GPM6A: variants seen among roughly 807,000 people sequenced by gnomAD.
The protein encoded by GPM6A is glycoprotein M6A.
In GPM6A, 7 loss-of-function variants were observed where a neutral mutation model predicts 32.1. That is an observed-to-expected ratio of 0.22 (90% CI 0.12 to 0.41). GPM6A has a LOEUF of 0.41. Ranked by LOEUF, GPM6A falls within the 10% of genes least tolerant of loss-of-function variation. The pLI is 1.00. For synonymous variants in GPM6A, 130 were observed against 123.4 expected, an observed-to-expected ratio of 1.05 and a Z score of -0.35; for missense variants, 235 against 347.2, an observed-to-expected ratio of 0.68 and a Z score of 2.57.
rs199751283 is a variant in GPM6A at position 175,729,951 on chromosome 4, G to GTATA, written c.38-28188_38-28185dup. On this transcript the variant is annotated intron_variant, in intron 1 of 6. Transcript: ENST00000393658. ...ATATAAATTTAAATAATAAATTTAT[G>GTATA]TATATATATATAAAGTCAACTTCTC... Among the ~76,000 whole-genome samples the GTATA allele has an allele frequency of 4.6e-4, 68 of 146,516 alleles. 1 individual carries two copies. The highest frequency in any genetic ancestry group is 1.6e-3 in the African/African-American group (63 of 40,126).
intron 1 of GPM6A, among the ~76,000 whole-genome samples, chr4:175,980,857 G>T (rs887263480): frequency 6.6e-6 from 1 of 152,214 alleles, no homozygotes; most frequent in South Asian, 2.1e-4. Flanking sequence ...AGCATATTTT[G>T]CCATTTAAGA....
intron 1 of GPM6A, among the ~76,000 whole-genome samples, chr4:175,792,270 T>C: frequency 6.6e-6 from 1 of 152,200 alleles, no homozygotes. Flanking sequence ...GCCATGCCAA[T>C]AAAAAGTTAA....
upstream of GPM6A, chr4:175,812,299 G>GAAACT (rs1560946608): frequency 2.5e-6 from 2 of 790,372 alleles, no homozygotes; most frequent in Admixed American, 8.9e-5. Flanking sequence ...GAAAAACTGG[G>GAAACT]GGTTTTTTTT....
intron 1 of GPM6A, among the ~76,000 whole-genome samples, chr4:175,722,996 C>A (rs1268865984): frequency 6.6e-6 from 1 of 152,084 alleles, no homozygotes; most frequent in African/African-American, 2.4e-5. Flanking sequence ...CTGCAGTGAG[C>A]CATGATTGTG....
chr4:175,894,438 T>C (rs1405645916), intron 1 of GPM6A, among the ~76,000 whole-genome samples: 3 of 152,078 alleles, frequency 2.0e-5, no homozygotes. Flanking sequence ...AAAGACTAAC[T>C]CTGTCTGATA....
rs148434939 is a variant in GPM6A, at chr4:175,983,906, T to C, written c.-23+18403A>G. Among the ~76,000 whole-genome samples, 6 of 152,214 alleles carry C rather than the reference T, an allele frequency of 3.9e-5. No homozygotes were observed. The East Asian group carries it at 1.2e-3, about 29-fold the overall frequency. ...GACTCCCCAGGGAAGCATCTGGAGTTTTCTTTGTTGCAAGCTTTACAACTA... is the reference window on the plus strand; with the variant it reads ...GACTCCCCAGGGAAGCATCTGGAGTCTTCTTTGTTGCAAGCTTTACAACTA... On this transcript the variant is annotated intron_variant, in intron 1 of 7. Transcript: ENST00000280187.
intron 1 of GPM6A, among the ~76,000 whole-genome samples, chr4:175,965,812 C>T (rs1186534468): frequency 6.6e-6 from 1 of 151,900 alleles, no homozygotes; most frequent in Non-Finnish European, 1.5e-5. Context: ...CGGGGTTTCA[C>T]CATGTTGGCC....
intron 1 of GPM6A, among the ~76,000 whole-genome samples, chr4:175,898,145 A>G (rs915389207): frequency 2.6e-5 from 4 of 152,172 alleles, no homozygotes; most frequent in African/African-American, 9.7e-5. Flanking sequence ...AACCAGTGCA[A>G]CTGATTTCTC....
chr4:175,872,092 C>T (rs931725343), intron 1 of GPM6A, among the ~76,000 whole-genome samples: 5 of 152,174 alleles, frequency 3.3e-5, no homozygotes. Context: ...ATTGGCCTTT[C>T]CTTCTCCTCC....
intron 1 of GPM6A, among the ~76,000 whole-genome samples, chr4:175,910,392 T>C (rs1738276761): frequency 6.6e-6 from 1 of 152,188 alleles, no homozygotes; most frequent in African/African-American, 2.4e-5. Context: ...GTGCAGGTGC[T>C]CCCAGCTTAT....
intron 1 of GPM6A, among the ~76,000 whole-genome samples, chr4:175,943,004 T>C (rs938710237): frequency 1.3e-5 from 2 of 152,192 alleles, no homozygotes; most frequent in Non-Finnish European, 2.9e-5. Context: ...AGATTCTTCC[T>C]ATCCATTAAC....
At chr4:175,669,802 G>A (rs1479607923) in intron 3 of GPM6A, among the ~76,000 whole-genome samples, 1 of 152,094 alleles carries the variant, frequency 6.6e-6, no homozygotes, top group Non-Finnish European at 1.5e-5. Context: ...GGTCACTAGG[G>A]TGGGCTCTAT....
At chr4:175,921,042 A>G (rs934714769) in intron 1 of GPM6A, among the ~76,000 whole-genome samples, 1 of 150,612 alleles carries the variant, frequency 6.6e-6, no homozygotes, top group African/African-American at 2.5e-5. Flanking sequence ...AATTTCCATC[A>G]TGAAGAAAAT....
At chr4:175,859,232 T>C (rs907571230) in intron 1 of GPM6A, among the ~76,000 whole-genome samples, 1 of 152,208 alleles carries the variant, frequency 6.6e-6, no homozygotes, top group African/African-American at 2.4e-5. Flanking sequence ...AGTTGTTGTA[T>C]GTCAATCATC....
chr4:175,644,694 T>G (rs1741352865), intron 4 of GPM6A, among the ~76,000 whole-genome samples: 1 of 152,122 alleles, frequency 6.6e-6, no homozygotes, highest in African/African-American at 2.4e-5. Flanking sequence ...TATTCAAATT[T>G]ATATCAATTT....
At chr4:175,650,251 G>T (rs901481337) in intron 4 of GPM6A, among the ~76,000 whole-genome samples, 3 of 151,072 alleles carry the variant, frequency 2.0e-5, no homozygotes, top group African/African-American at 7.3e-5. Flanking sequence ...CACTTATTTG[G>T]CACTCTTTGA....
chr4:175,701,889 T>G (rs1484190401), intron 1 of GPM6A, 122 bp from the exon 2 acceptor site: 3 of 649,812 alleles, frequency 4.6e-6, no homozygotes, highest in African/African-American at 1.8e-5. Context: ...ACCATACAAA[T>G]GAAGTCCTAG....
intron 1 of GPM6A, among the ~76,000 whole-genome samples, chr4:175,895,398 C>A (rs948998605): frequency 2.6e-5 from 4 of 151,250 alleles, no homozygotes; most frequent in Non-Finnish European, 5.9e-5. Flanking sequence ...CCTATCTTTT[C>A]AAAAAAAATG....
chr4:175,659,879 A>G (rs1174168792), intron 3 of GPM6A, among the ~76,000 whole-genome samples: 2 of 152,196 alleles, frequency 1.3e-5, no homozygotes, highest in Admixed American at 6.5e-5. Context: ...GTGAGGAAAT[A>G]TATCTTACCA....
Sources: allele counts gnomAD v4.1 joint callset (sites outside exome capture counted in the v4.1 genomes callset), GRCh38; gene constraint gnomAD v4.1.1; transcripts MANE v1.5; gene names NCBI Gene and HGNC (gene_info 2026-07-23, HGNC 2026-07-21).